Variants in COP1 observed in about 807,000 individuals in gnomAD.
COP1 encodes E3 ubiquitin-protein ligase COP1.
COP1 carries 24 observed loss-of-function variants against 101.3 expected under a neutral mutation model. The observed-to-expected ratio is 0.24, with a 90% confidence interval of 0.17 to 0.33. The LOEUF (loss-of-function observed/expected upper bound fraction) is 0.33, where lower values mean the gene tolerates loss of function less well. Ranked by LOEUF, COP1 falls within the 10% of genes least tolerant of loss-of-function variation. The pLI, the probability that COP1 is intolerant of heterozygous loss-of-function variation, is 1.00. For synonymous variants in COP1, 347 were observed against 341.9 expected (o/e 1.01, Z -0.17); for missense variants, 663 against 906.2 (o/e 0.73, Z 3.45).
intron 14 of COP1, among the ~76,000 whole-genome samples, chr1:176,032,415 CGTT>C (rs1668790140): frequency 6.6e-6 from 1 of 152,176 alleles, no homozygotes; most frequent in African/African-American, 2.4e-5. Flanking sequence ...AGTAGCTAGA[CGTT>C]GTCATACAGC....
At chr1:175,995,088 A>T (rs1460063313) in intron 15 of COP1, among the ~76,000 whole-genome samples, 2 of 152,232 alleles carry the variant, frequency 1.3e-5, no homozygotes, top group Non-Finnish European at 2.9e-5. Context: ...AGGATTAAGA[A>T]ACTCACTAAA....
At chr1:176,205,274 G>C (rs1032755384) in intron 1 of COP1, among the ~76,000 whole-genome samples, 1 of 152,100 alleles carries the variant, frequency 6.6e-6, no homozygotes, top group Non-Finnish European at 1.5e-5. Flanking sequence ...ACCATAAACT[G>C]CTTATTTATA....
intron 15 of COP1, among the ~76,000 whole-genome samples, chr1:175,989,832 A>G (rs975195498): frequency 4.6e-5 from 7 of 152,188 alleles, no homozygotes; most frequent in African/African-American, 1.7e-4. Flanking sequence ...CATATAATAA[A>G]ATACACACAC....
At chr1:176,089,447 T>C (rs1259492930) in intron 9 of COP1, among the ~76,000 whole-genome samples, 1 of 152,102 alleles carries the variant, frequency 6.6e-6, no homozygotes, top group Non-Finnish European at 1.5e-5. Context: ...ACTTGAAAAA[T>C]GTTAGCATAT....
chr1:175,957,598 A>G (rs189307989), intron 18 of COP1, among the ~76,000 whole-genome samples: 311 of 152,330 alleles, frequency 2.0e-3, no homozygotes, highest in Non-Finnish European at 3.5e-3. Flanking sequence ...TGAATGTAAT[A>G]CAACAACTAT....
chr1:176,044,612 A>T (rs1455058485), intron 12 of COP1, among the ~76,000 whole-genome samples: 1 of 152,198 alleles, frequency 6.6e-6, no homozygotes, highest in Non-Finnish European at 1.5e-5. Context: ...GGTAGAAATT[A>T]TCTGGAACAA....
At chr1:176,024,180 G>A (rs1407887050) in intron 15 of COP1, among the ~76,000 whole-genome samples, 3 of 151,928 alleles carry the variant, frequency 2.0e-5, no homozygotes, top group African/African-American at 7.3e-5. Flanking sequence ...AATCACTTGA[G>A]TCGGGGAGGC....
chr1:176,206,884 G>A lies in COP1; in HGVS notation c.95C>T (p.Ser32Phe), dbSNP rs983594729. 6.1e-6 allele frequency: 9 copies of A among 1,464,652 alleles called. No individual in the cohort carries two copies. The highest frequency in any genetic ancestry group is 3.0e-5 in the East Asian group (1 of 33,256). The allele number at this position is 1,464,652 out of a possible 1,614,324, so 90.7% of individuals were successfully genotyped here. A position where few individuals can be genotyped will look rare whatever the true frequency, so the allele number is the denominator to read the frequency against. ...CACGGAAGGCGGCGACGGGGAAGAG[G>A]ATAAAGACGAGGAGGCGGAAGTCAC... ...SSVTSASSSLSSSPSPPSVAV... is the reference protein window; with the variant it reads ...SSVTSASSSLFSSPSPPSVAV... Residue 32 changes from serine (S) to phenylalanine (F), a missense_variant, in exon 1 of 20, where the codon TCC becomes TTC. Transcript: ENST00000367669.
chr1:176,131,143 T>A lies in COP1; in HGVS notation c.968+3867A>T, dbSNP rs182611494. 9.9e-5 allele frequency among the ~76,000 whole-genome samples: 15 copies of A among 151,916 alleles called. No homozygotes were observed. The East Asian group carries it at 2.1e-3, about 21-fold the overall frequency. On this transcript the variant is annotated intron_variant, in intron 8 of 19. Coordinates refer to ENST00000367669, the MANE Select transcript of COP1 (RefSeq NM_022457.7). ...AAGCACAAAAACAATAGGCTGGGGCTAGGCAATTACGGAGGGTTATGCAAA... is the reference window on the plus strand; with the variant it reads ...AAGCACAAAAACAATAGGCTGGGGCAAGGCAATTACGGAGGGTTATGCAAA...
chr1:175,947,251 C>A lies in COP1; in HGVS notation c.2134-12G>T, dbSNP rs375614998. The stretch of plus-strand genomic sequence containing the variant: ...AGCACATTGGACTCCTAGAAAAGAA[C>A]AAGAGCTTTTAAAGTATAGAGAAGG... On this transcript the variant is annotated splice_polypyrimidine_tract_variant and intron_variant, in intron 18 of 19. Coordinates refer to ENST00000367669, the MANE Select transcript of COP1 (RefSeq NM_022457.7). 8.3e-5 allele frequency: 132 copies of A among 1,596,070 alleles called. 1 individual carries two copies. Among genetic ancestry groups the A allele is most frequent in the Non-Finnish European group, 9.8e-5 (114 of 1,164,416 alleles).
intron 11 of COP1, among the ~76,000 whole-genome samples, chr1:176,047,269 T>G (rs1027630258): frequency 6.6e-6 from 1 of 152,232 alleles, no homozygotes; most frequent in Non-Finnish European, 1.5e-5. Flanking sequence ...TCATTAATCA[T>G]TCACTTACTA....
intron 5 of COP1, among the ~76,000 whole-genome samples, chr1:176,159,896 T>G (rs1694033420): frequency 6.6e-6 from 1 of 152,158 alleles, no homozygotes. Flanking sequence ...AAGTCAGATC[T>G]AAGACATACG....
At chr1:176,164,475 T>C (rs1043241126) in intron 3 of COP1, among the ~76,000 whole-genome samples, 3 of 152,192 alleles carry the variant, frequency 2.0e-5, no homozygotes, top group African/African-American at 4.8e-5. Context: ...TAGTCATTCA[T>C]GCCCTTGCCA....
intron 9 of COP1, among the ~76,000 whole-genome samples, chr1:176,093,409 T>G (rs1681713938): frequency 6.6e-6 from 1 of 152,122 alleles, no homozygotes; most frequent in South Asian, 2.1e-4. Flanking sequence ...AGCCTACAGA[T>G]CTCTTCAAAA....
At chr1:175,946,047 T>A (rs1649127714) in intron 19 of COP1, among the ~76,000 whole-genome samples, 1 of 152,170 alleles carries the variant, frequency 6.6e-6, no homozygotes, top group Non-Finnish European at 1.5e-5. Flanking sequence ...AAGGATAAAC[T>A]TTTTGAAGAG....
chr1:175,988,240 A>C, intron 17 of COP1, 48 bp downstream of exon 17: 1 of 1,549,748 alleles, frequency 6.5e-7, no homozygotes, highest in Non-Finnish European at 8.8e-7. Flanking sequence ...TTCAATTTCA[A>C]TAACAAACAC....
At chr1:176,013,784 T>C (rs1665105432) in intron 15 of COP1, among the ~76,000 whole-genome samples, 1 of 152,206 alleles carries the variant, frequency 6.6e-6, no homozygotes, top group Non-Finnish European at 1.5e-5. Context: ...TTGAAAGCAG[T>C]GCTTGCAGAA....
At chr1:176,155,985 C>A (rs1263085405) in intron 5 of COP1, among the ~76,000 whole-genome samples, 2 of 151,714 alleles carry the variant, frequency 1.3e-5, no homozygotes, top group African/African-American at 2.4e-5. Context: ...TGAAGAGCAT[C>A]TGAAAAGGTA....
At chr1:176,083,627 C>T (rs1572128932) in intron 10 of COP1, among the ~76,000 whole-genome samples, 1 of 152,220 alleles carries the variant, frequency 6.6e-6, no homozygotes, top group African/African-American at 2.4e-5. Context: ...TAATTAACTT[C>T]CTCTTTCAAT....
Sources: gnomAD v4.1 joint callset for allele counts (sites outside exome capture counted in the v4.1 genomes callset) on GRCh38, gnomAD v4.1.1 for gene constraint, MANE v1.5 for transcripts, NCBI Gene and HGNC (gene_info 2026-07-23, HGNC 2026-07-21) for gene names.